Variants in ARL13B observed in about 807,000 individuals in gnomAD.
ARL13B encodes ADP-ribosylation factor-like protein 13B.
ARL13B carries 36 observed loss-of-function variants against 56.1 expected under a neutral mutation model. That is an observed-to-expected ratio of 0.64 (90% confidence interval 0.49 to 0.85). ARL13B has a LOEUF of 0.85. Ranked by LOEUF, ARL13B falls within the 40% of genes least tolerant of loss-of-function variation. ARL13B has a pLI of 0.00. For missense variants in ARL13B, 519 were observed against 507.1 expected (o/e 1.02, Z -0.23); for synonymous variants, 178 against 171.1 (o/e 1.04, Z -0.32).
intron 1 of ARL13B, among the ~76,000 whole-genome samples, chr3:93,985,007 C>T (rs75766499): frequency 6.6e-6 from 1 of 150,794 alleles, no homozygotes; most frequent in Non-Finnish European, 1.5e-5. Context: ...GAAACCCTGT[C>T]TCAATCAATC....
At chr3:94,050,799 T>C (rs1383584576) in intron 8 of ARL13B, 25 bp from the exon 9 acceptor site, 3 of 1,604,008 alleles carry the variant, frequency 1.9e-6, no homozygotes, top group East Asian at 2.2e-5. Context: ...AACAGTGTTT[T>C]TTAAATGTTT....
chr3:94,027,690 A>T (rs957756435), intron 3 of ARL13B, among the ~76,000 whole-genome samples: 1 of 152,064 alleles, frequency 6.6e-6, no homozygotes, highest in Non-Finnish European at 1.5e-5. Context: ...TATCTAACCT[A>T]TCTACATATG....
rs139475317 is a variant in ARL13B at position 93,988,582 on chromosome 3, A to C, written c.60-7292A>C. 2.2e-3 allele frequency: 873 copies of C among 395,178 alleles called. 2 individuals carry two copies. The highest frequency in any genetic ancestry group is 3.0e-3 in the Non-Finnish European group (609 of 200,156). The allele number at this position is 395,178 out of a possible 1,614,324, so 24.5% of individuals were successfully genotyped here. ...AAAGCAGTTGATAAAAATACCCTGGATTGTACAAGAAGGGAGACAGGGACT... is the reference window on the plus strand; with the variant it reads ...AAAGCAGTTGATAAAAATACCCTGGCTTGTACAAGAAGGGAGACAGGGACT... On this transcript the variant is annotated intron_variant, in intron 1 of 9. Coordinates refer to ENST00000394222, the MANE Select transcript of ARL13B (RefSeq NM_001174150.2).
At chr3:94,049,810 C>T (rs2077041718) in intron 8 of ARL13B, among the ~76,000 whole-genome samples, 1 of 151,764 alleles carries the variant, frequency 6.6e-6, no homozygotes, top group Non-Finnish European at 1.5e-5. Flanking sequence ...AATATCAGTA[C>T]CCACATGTTA....
rs774341143 is a variant in ARL13B at position 94,003,733 on chromosome 3, A to G, written c.205A>G (p.Ile69Val). 6 of 1,613,716 alleles carry G rather than the reference A, an allele frequency of 3.7e-6. No homozygotes were observed. In the Admixed American group the frequency reaches 5.0e-5, roughly 13 times the overall value. ...TAGACAAGGAAAGTTTGAAGTCACC[A>G]TCTTTGACTTGGGAGGTGGAATAAG... is the stretch of plus-strand genomic sequence containing the variant. The part of the protein sequence containing the change: ...NLRQGKFEVT[I>V]FDLGGGIRIR... The change falls in exon 3 of 10, where the codon ATC becomes GTC. Residue 69 changes from isoleucine to valine, a missense_variant. Transcript: ENST00000394222.
intron 3 of ARL13B, among the ~76,000 whole-genome samples, chr3:94,030,732 G>A (rs1293670085): frequency 6.6e-6 from 1 of 151,994 alleles, no homozygotes; most frequent in Non-Finnish European, 1.5e-5. Flanking sequence ...ACAAAGATAC[G>A]TAACCACAAA....
chr3:94,025,031 G>A (rs1031348896), intron 3 of ARL13B, among the ~76,000 whole-genome samples: 2 of 152,160 alleles, frequency 1.3e-5, no homozygotes, highest in Admixed American at 1.3e-4. Context: ...ATTTTCCTGT[G>A]AAGTGCCTTT....
At position 93,994,379 on chromosome 3, in the gene ARL13B, A is replaced by C. The variant is rs79687535; in HGVS notation, c.60-1495A>C. ...GGTCTGCCTTGACCACCCTATATAA[A>C]ACTGCCCCCACCTCCCACCCCCAAC... is the stretch of plus-strand genomic sequence containing the variant. On this transcript the variant is annotated intron_variant, in intron 1 of 9. Coordinates refer to ENST00000394222, the MANE Select transcript of ARL13B (RefSeq NM_001174150.2). Among the ~76,000 whole-genome samples the C allele has an allele frequency of 3.9e-4, 59 of 151,688 alleles. No individual in the cohort carries two copies. The East Asian group carries it at 0.011, about 27-fold the overall frequency.
intron 3 of ARL13B, among the ~76,000 whole-genome samples, chr3:94,009,131 C>T (rs193102297): frequency 3.8e-4 from 51 of 133,802 alleles, no homozygotes; most frequent in Middle Eastern, 7.8e-3. Context: ...ATATTCTTGA[C>T]CCTGGTCTTT....
chr3:94,026,462 C>T (rs1356868356), intron 3 of ARL13B, among the ~76,000 whole-genome samples: 1 of 152,070 alleles, frequency 6.6e-6, no homozygotes, highest in African/African-American at 2.4e-5. Flanking sequence ...GATAGGTACT[C>T]AAATATGTTT....
intron 3 of ARL13B, among the ~76,000 whole-genome samples, chr3:94,032,194 A>G (rs757646867): frequency 6.6e-6 from 1 of 152,226 alleles, no homozygotes; most frequent in Non-Finnish European, 1.5e-5. Flanking sequence ...ACCAAAACTT[A>G]CAAGGAAATC....
At chr3:94,048,359 A>T (rs2077014730) in intron 7 of ARL13B, among the ~76,000 whole-genome samples, 1 of 152,208 alleles carries the variant, frequency 6.6e-6, no homozygotes, top group African/African-American at 2.4e-5. Flanking sequence ...AGTAACATTG[A>T]TGTTCTAAAT....
chr3:94,011,914 T>G (rs770371906), intron 3 of ARL13B, among the ~76,000 whole-genome samples: 3 of 152,176 alleles, frequency 2.0e-5, no homozygotes, highest in Non-Finnish European at 4.4e-5. Context: ...TCTGTTTCTA[T>G]AATTCCTTGA....
intron 3 of ARL13B, among the ~76,000 whole-genome samples, chr3:94,018,485 C>T (rs976444337): frequency 1.3e-5 from 2 of 152,040 alleles, no homozygotes; most frequent in South Asian, 2.1e-4. Context: ...CTGGCTACTC[C>T]TTATCTCCCC....
At chr3:94,034,929 A>G (rs2076740069) in intron 3 of ARL13B, among the ~76,000 whole-genome samples, 1 of 152,170 alleles carries the variant, frequency 6.6e-6, no homozygotes, top group Admixed American at 6.5e-5. Context: ...TACATTTAAA[A>G]CTTGGGAATC....
chr3:94,038,681 A>C (rs1271324931), intron 5 of ARL13B, among the ~76,000 whole-genome samples: 2 of 151,068 alleles, frequency 1.3e-5, no homozygotes, highest in Non-Finnish European at 3.0e-5. Flanking sequence ...GCACCACCAC[A>C]CCCGGCTAAT....
intron 7 of ARL13B, among the ~76,000 whole-genome samples, chr3:94,044,981 C>T (rs1057133867): frequency 1.1e-4 from 17 of 152,216 alleles, no homozygotes; most frequent in South Asian, 4.2e-4. Context: ...GCCATGATGA[C>T]GATGGCGGTT....
intron 1 of ARL13B, chr3:93,988,775 C>T: frequency 2.5e-6 from 1 of 405,332 alleles, no homozygotes; most frequent in Middle Eastern, 4.7e-4. Context: ...CCCCTTTTCC[C>T]ATTTGTTTGC....
intron 3 of ARL13B, among the ~76,000 whole-genome samples, chr3:94,024,570 T>A (rs1240864067): frequency 6.6e-6 from 1 of 152,156 alleles, no homozygotes; most frequent in Non-Finnish European, 1.5e-5. Flanking sequence ...AAGATCTTTG[T>A]CCTTTTTTGG....
Sources: allele counts gnomAD v4.1 joint callset (sites outside exome capture counted in the v4.1 genomes callset), GRCh38; gene constraint gnomAD v4.1.1; transcripts MANE v1.5; gene names NCBI Gene and HGNC (gene_info 2026-07-23, HGNC 2026-07-21).